ANKRD24: variants seen among roughly 807,000 people sequenced by gnomAD.
ANKRD24 encodes ankyrin repeat domain-containing protein 24.
In ANKRD24, 109 loss-of-function variants were observed where a neutral mutation model predicts 127.8. The observed-to-expected ratio is 0.85, with a 90% CI of 0.73 to 1.00. The LOEUF is 1.00. Among genes scored for constraint, ANKRD24 ranks in the 50% least tolerant of loss-of-function variants. The pLI is 0.00. For missense variants in ANKRD24, 1,648 were observed against 1,570.2 expected, an observed-to-expected ratio of 1.05 and a Z score of -0.84; for synonymous variants, 743 against 671.1, an observed-to-expected ratio of 1.11 and a Z score of -1.66.
chr19:4,217,283 C>T lies in ANKRD24; in HGVS notation c.2123C>T (p.Pro708Leu), dbSNP rs750899148. Residue 708 changes from proline (P) to leucine (L), a missense_variant, in exon 18 of 22, where the codon CCC becomes CTC. Physicochemically the swap from Pro to Leu is moderately conservative, Grantham distance 98. Transcript: ENST00000318934. ...ACGGTCCCGGGGATCTCTGCTGGCC[C>T]CATCCTACATCCTGGTGCCGCAGAG... ...EATVPGISAG[P>L]ILHPGAAEAS... is the part of the protein sequence containing the mutation. The T allele has an allele frequency of 7.1e-6, 11 of 1,558,962 alleles. No individual in the cohort carries two copies. The highest frequency in any genetic ancestry group is 9.6e-6 in the Non-Finnish European group (11 of 1,151,476).
In ANKRD24 at chr19:4,196,481, T is replaced by C. The variant is rs1162050673; in HGVS notation, c.37-3202T>C. On this transcript the variant is annotated intron_variant, in intron 2 of 21. Coordinates refer to ENST00000318934, the MANE Select transcript of ANKRD24 (RefSeq NM_001393985.1). ...ACCTCTGCCTCCAGGGTTCAAGCGATTCTCCTGCCTCACTTCCTGAGTAGC... is the reference window on the plus strand; with the variant it reads ...ACCTCTGCCTCCAGGGTTCAAGCGACTCTCCTGCCTCACTTCCTGAGTAGC... Among the ~76,000 whole-genome samples the C allele has an allele frequency of 2.6e-5, 4 of 152,136 alleles. No individual in the cohort carries two copies. The South Asian group carries it at 6.2e-4, about 24-fold the overall frequency.
rs1034165358 is a variant in ANKRD24 at position 4,198,731 on chromosome 19, C to T, written c.37-952C>T. ...AGACATTTGGGGAGACATGTGGACACGTTTTGGAAGACTCTTTGAAACAAA... is the reference window on the plus strand; with the variant it reads ...AGACATTTGGGGAGACATGTGGACATGTTTTGGAAGACTCTTTGAAACAAA... On this transcript the variant is annotated intron_variant, in intron 2 of 21. Transcript: ENST00000318934. This position sits in a 1 kb window ranked among gnomAD's most constrained non-coding sequence, Gnocchi z 6.1. Among the ~76,000 whole-genome samples, 4 of 151,580 alleles carry T rather than the reference C, an allele frequency of 2.6e-5. No homozygotes were observed. Among genetic ancestry groups the T allele is most frequent in the Admixed American group, 1.3e-4 (2 of 15,254 alleles).
chr19:4,217,438 G>T lies in ANKRD24; in HGVS notation c.2278G>T (p.Glu760Ter). The change falls in exon 18 of 22, where the codon GAG becomes TAG. Residue 760 changes from glutamate to a stop codon, truncating the protein, a stop_gained. Coordinates refer to ENST00000318934, the MANE Select transcript of ANKRD24 (RefSeq NM_001393985.1). LOFTEE classifies it high-confidence loss of function. ...ALGKCEAAEA[E>*]AGRLRERVRE... is the part of the protein sequence containing the mutation. ...GGGGAAGTGCGAGGCCGCGGAGGCC[G>T]AGGCAGGCCGGCTGCGAGAGCGTGT... is the stretch of plus-strand genomic sequence containing the variant. The T allele has an allele frequency of 2.0e-6, 3 of 1,531,948 alleles. No homozygotes were observed. The highest frequency in any genetic ancestry group is 2.6e-6 in the Non-Finnish European group (3 of 1,140,054). 94.9% of individuals were successfully genotyped at this position (1,531,948 alleles called of 1,614,324 possible). A position where few individuals can be genotyped will look rare whatever the true frequency, so the allele number is the denominator to read the frequency against.
At chr19:4,212,844 C>G (rs529905159) in intron 15 of ANKRD24, 146 bp downstream of exon 15, 41 of 793,926 alleles carry the variant, frequency 5.2e-5, no homozygotes, top group Non-Finnish European at 7.5e-5. Context: ...CACAAACCCA[C>G]AGTCTTGGCT....
At chr19:4,183,009 C>T (rs1311269133) in intron 1 of ANKRD24, among the ~76,000 whole-genome samples, 1 of 56,730 alleles carries the variant, frequency 1.8e-5, no homozygotes, top group Non-Finnish European at 4.7e-5. Flanking sequence ...GACGGAGCCT[C>T]GCTCTGTTGC....
rs145484612 is a variant in ANKRD24 at position 4,216,317 on chromosome 19, C to T, written c.1304C>T (p.Pro435Leu). The T allele has an allele frequency of 3.2e-4, 502 of 1,560,968 alleles. 3 individuals carry two copies. The highest frequency in any genetic ancestry group is 2.9e-3 in the African/African-American group (213 of 73,558). ...AEVLLSRQLS[P>L]SAQEHLASLQ... is the part of the protein sequence containing the mutation. ...GTGCTGCTGTCCAGACAACTCAGTC[C>T]GTCGGCCCAGGAACACCTGGCCTCG... The change falls in exon 17 of 22, where the codon CCG (proline) becomes CTG (leucine). Residue 435 changes from proline to leucine, a missense_variant. Coordinates refer to ENST00000318934, the MANE Select transcript of ANKRD24 (RefSeq NM_001393985.1).
At chr19:4,220,110 T>C (rs987461989) in intron 19 of ANKRD24, among the ~76,000 whole-genome samples, 1 of 152,170 alleles carries the variant, frequency 6.6e-6, no homozygotes, top group Admixed American at 6.6e-5. Context: ...CAGCTGGGAT[T>C]ACAGGCATGC....
At chr19:4,184,484 G>T (rs1163359617) in intron 1 of ANKRD24, among the ~76,000 whole-genome samples, 7 of 152,184 alleles carry the variant, frequency 4.6e-5, no homozygotes, top group Non-Finnish European at 1.0e-4. Context: ...CCCACTTGCC[G>T]GCCTGTGCCC....
chr19:4,216,573 C>T lies in ANKRD24; in HGVS notation c.1413C>T (p.Asp471=), dbSNP rs369581994. The T allele has an allele frequency of 8.1e-5, 130 of 1,610,626 alleles. 1 individual carries two copies. The highest frequency in any genetic ancestry group is 1.7e-4 in the Middle Eastern group (1 of 6,058). The change falls in exon 18 of 22, where the codon GAC becomes GAT. Residue 471 remains aspartate (D), a synonymous_variant. Transcript: ENST00000318934. The part of the protein sequence containing the change: ...KVQILENFEK[D]ETQMEVEALA... The stretch of plus-strand genomic sequence containing the variant: ...AGATCCTGGAGAACTTTGAGAAGGA[C>T]GAGACACAGATGGAAGTGGAAGCTT...
Position 4,224,779 on chromosome 19 carries a change from C to A in ANKRD24, c.*274C>A. Reference sequence around the variant, plus strand: ...ATTCCCTGTGTCCTCCACATCCAGACGCCAGCCCAGGAATAAAGGCATTCT... The same window carrying A: ...ATTCCCTGTGTCCTCCACATCCAGAAGCCAGCCCAGGAATAAAGGCATTCT... On this transcript the variant is annotated 3_prime_UTR_variant, in exon 22 of 22. Coordinates refer to ENST00000318934, the MANE Select transcript of ANKRD24 (RefSeq NM_001393985.1). 4.0e-6 allele frequency: 2 copies of A among 505,978 alleles called. No individual in the cohort carries two copies. The highest frequency in any genetic ancestry group is 7.1e-6 in the Non-Finnish European group (2 of 280,010). The allele number at this position is 505,978 out of a possible 1,614,324, so 31.3% of individuals were successfully genotyped here.
At chr19:4,211,167 G>C (rs1405202086) in intron 13 of ANKRD24, among the ~76,000 whole-genome samples, 1 of 152,118 alleles carries the variant, frequency 6.6e-6, no homozygotes, top group Non-Finnish European at 1.5e-5. Context: ...GCTGCTATTG[G>C]GCATGCATCT....
intron 20 of ANKRD24, among the ~76,000 whole-genome samples, chr19:4,223,442 C>T (rs1350095388): frequency 7.1e-6 from 1 of 140,838 alleles, no homozygotes; most frequent in Non-Finnish European, 1.5e-5. Context: ...ACTCTGTCAC[C>T]CAGGCTGGAG....
In ANKRD24 at chr19:4,216,398, T is replaced by C. The variant is rs1462826119; in HGVS notation, c.1385T>C (p.Val462Ala). 6.4e-7 allele frequency: 1 copy of C among 1,566,294 alleles called. No homozygotes were observed. The highest frequency in any genetic ancestry group is 8.7e-7 in the Non-Finnish European group (1 of 1,155,654). Reference sequence around the variant, plus strand: ...CAGAACCAGGAACTGATGGAGAAGGTCCAGGTAGGGAAAGTGAGGCTGGGG... The same window carrying C: ...CAGAACCAGGAACTGATGGAGAAGGCCCAGGTAGGGAAAGTGAGGCTGGGG... ...TRQNQELMEK[V>A]QILENFEKDE... The change falls in exon 17 of 22, where the codon GTC becomes GCC. Residue 462 changes from valine to alanine, a missense_variant. Transcript: ENST00000318934.
chr19:4,208,866 C>T, intron 11 of ANKRD24, 65 bp downstream of exon 11: 3 of 1,532,552 alleles, frequency 2.0e-6, no homozygotes, highest in Non-Finnish European at 2.7e-6. Flanking sequence ...CTCCCCTGCC[C>T]CAAGCTCTGT....
intron 2 of ANKRD24, among the ~76,000 whole-genome samples, chr19:4,196,710 GGGTCTT>G (rs1968765145): frequency 6.6e-6 from 1 of 152,186 alleles, no homozygotes; most frequent in Non-Finnish European, 1.5e-5. Context: ...TTACCTGCAA[GGGTCTT>G]GGCTGTGCCC....
intron 2 of ANKRD24, among the ~76,000 whole-genome samples, chr19:4,194,910 G>C (rs905692533): frequency 1.3e-5 from 2 of 152,182 alleles, no homozygotes; most frequent in African/African-American, 2.4e-5. Flanking sequence ...GAAGCCTGGA[G>C]GGCTGACAGT....
rs1463212727 is a variant in ANKRD24 at position 4,217,040 on chromosome 19, CCACAGA to C, written c.1887_1892del (p.Asp629_Thr630del). ...GAAACTAAGCCCACAGGAGCTCAGGCCACAGACACAGAGACCACGGGAGTGGAGGCC... is the reference window on the plus strand; with the variant it reads ...GAAACTAAGCCCACAGGAGCTCAGGCCACAGAGACCACGGGAGTGGAGGCC... On this transcript the variant is annotated inframe_deletion, in exon 18 of 22. Coordinates refer to ENST00000318934, the MANE Select transcript of ANKRD24 (RefSeq NM_001393985.1). The C allele has an allele frequency of 1.2e-6, 2 of 1,613,852 alleles. No individual in the cohort carries two copies.
chr19:4,199,607 G>A lies in ANKRD24; in HGVS notation c.37-76G>A. The stretch of plus-strand genomic sequence containing the variant: ...TGGACAACTGGGGTGATGGGCCTGG[G>A]GGCAGATGCTGGGGGTCGCAGGCTT... On this transcript the variant is annotated intron_variant, in intron 2 of 21. Coordinates refer to ENST00000318934, the MANE Select transcript of ANKRD24 (RefSeq NM_001393985.1). The surrounding 1 kb of genome is among the most constrained non-coding windows in gnomAD (Gnocchi z 5.2). 1 of 1,463,600 alleles carries A rather than the reference G, an allele frequency of 6.8e-7. No homozygotes were observed. 90.7% of individuals were successfully genotyped at this position (1,463,600 alleles called of 1,614,324 possible).
In ANKRD24 at chr19:4,198,627, A is replaced by C; in HGVS notation, c.37-1056A>C. 1.7e-5 allele frequency: 7 copies of C among 400,846 alleles called. No individual in the cohort carries two copies. Among genetic ancestry groups the C allele is most frequent in the East Asian group, 1.5e-4 (4 of 27,042 alleles). 24.8% of individuals were successfully genotyped at this position (400,846 alleles called of 1,614,324 possible). ...CCCGGCTGACCTGGACCACCCCCCC[A>C]TTCCAGACCCGGGAAAGATGGTCGG... On this transcript the variant is annotated intron_variant, in intron 2 of 21. Transcript: ENST00000318934. This position sits in a 1 kb window ranked among gnomAD's most constrained non-coding sequence, Gnocchi z 6.1.
Sources: allele counts gnomAD v4.1 joint callset (sites outside exome capture counted in the v4.1 genomes callset), GRCh38; gene constraint gnomAD v4.1.1; non-coding constraint Gnocchi (gnomAD v3.1); transcripts MANE v1.5; gene names NCBI Gene and HGNC (gene_info 2026-07-23, HGNC 2026-07-21).